Variants in GLIS3 observed in about 807,000 individuals in gnomAD.
GLIS3 encodes GLIS family zinc finger 3.
In GLIS3, 53 loss-of-function variants were observed where a neutral mutation model predicts 78.6. That is an observed-to-expected ratio of 0.67 (90% confidence interval 0.54 to 0.85). The LOEUF is 0.85. Ranked by LOEUF, GLIS3 falls within the 40% of genes least tolerant of loss-of-function variation. GLIS3 has a pLI of 0.00. For missense variants in GLIS3, 1,703 were observed against 1,231.1 expected (o/e 1.38, Z -5.74); for synonymous variants, 684 against 509.9 (o/e 1.34, Z -4.60).
chr9:3,932,061 G>T (rs950581038), intron 6 of GLIS3, among the ~76,000 whole-genome samples: 2 of 152,150 alleles, frequency 1.3e-5, no homozygotes, highest in Non-Finnish European at 2.9e-5. Context: ...TTGCTTTCCA[G>T]TTTGAGGGAC....
At chr9:4,332,886 G>A (rs562090991) in intron 2 of GLIS3, among the ~76,000 whole-genome samples, 14 of 152,136 alleles carry the variant, frequency 9.2e-5, no homozygotes, top group South Asian at 2.1e-4. Context: ...TTCTGGGATG[G>A]GTGGTATTAT....
At chr9:4,292,577 C>G (rs1210216318) in intron 1 of GLIS3, among the ~76,000 whole-genome samples, 1 of 152,138 alleles carries the variant, frequency 6.6e-6, no homozygotes, top group African/African-American at 2.4e-5. Flanking sequence ...ACATTTTTGG[C>G]TTTATAAAAC....
chr9:4,281,250 G>C (rs1563890633), intron 2 of GLIS3, among the ~76,000 whole-genome samples: 1 of 152,164 alleles, frequency 6.6e-6, no homozygotes, highest in Non-Finnish European at 1.5e-5. Flanking sequence ...TTTTCACTTA[G>C]TATTTGCTCT....
chr9:4,368,112 T>C, the GLIS3 span, among the ~76,000 whole-genome samples: 1 of 152,234 alleles, frequency 6.6e-6, no homozygotes, highest in East Asian at 1.9e-4. Context: ...GGCATGACTA[T>C]TCTCAAATAA....
chr9:4,075,410 A>G (rs1312755027), intron 4 of GLIS3, among the ~76,000 whole-genome samples: 1 of 141,458 alleles, frequency 7.1e-6, no homozygotes, highest in Non-Finnish European at 1.5e-5. Flanking sequence ...TACTAAAAAT[A>G]CAAAAAAAAA....
At chr9:4,145,030 C>T (rs1224426378) in intron 2 of GLIS3, 1 of 152,192 alleles carries the variant, frequency 6.6e-6, no homozygotes, top group Non-Finnish European at 1.5e-5. Flanking sequence ...CTTCCCATAG[C>T]GAAGTGAGCC....
intron 2 of GLIS3, among the ~76,000 whole-genome samples, chr9:4,200,658 G>GA (rs911226743): frequency 1.3e-5 from 2 of 151,610 alleles, no homozygotes; most frequent in African/African-American, 2.4e-5. Flanking sequence ...AATTGAATCA[G>GA]AAAAAAACAA....
chr9:4,129,385 C>A (rs1291337265), intron 2 of GLIS3, among the ~76,000 whole-genome samples: 2 of 152,194 alleles, frequency 1.3e-5, no homozygotes, highest in African/African-American at 4.8e-5. Context: ...CCAAAACTCA[C>A]ATTCAACTGT....
the GLIS3 span, among the ~76,000 whole-genome samples, chr9:4,416,152 C>T: frequency 7.0e-6 from 1 of 142,346 alleles, no homozygotes; most frequent in Non-Finnish European, 1.5e-5. Context: ...TTTGGGAGAT[C>T]AAGGCAAGAG....
At chr9:4,178,228 AAGAC>A (rs1395091128) in intron 2 of GLIS3, among the ~76,000 whole-genome samples, 1 of 152,144 alleles carries the variant, frequency 6.6e-6, no homozygotes, top group African/African-American at 2.4e-5. Flanking sequence ...GTTGCTGAGT[AAGAC>A]AGCCCTGCCC....
intron 4 of GLIS3, among the ~76,000 whole-genome samples, chr9:4,077,569 G>A (rs1013424798): frequency 2.0e-5 from 3 of 152,212 alleles, no homozygotes; most frequent in Non-Finnish European, 4.4e-5. Context: ...CCCTGGGTTG[G>A]CCGTTAAGCT....
chr9:4,057,988 T>A (rs563065619), intron 4 of GLIS3, among the ~76,000 whole-genome samples: 1 of 152,212 alleles, frequency 6.6e-6, no homozygotes, highest in African/African-American at 2.4e-5. Context: ...TTCTGGGTTT[T>A]AGAACTCAAA....
chr9:3,873,924 A>T (rs985312626), intron 8 of GLIS3, among the ~76,000 whole-genome samples: 1 of 152,158 alleles, frequency 6.6e-6, no homozygotes, highest in African/African-American at 2.4e-5. Flanking sequence ...CTGCTGATTC[A>T]TACACTAGAT....
At chr9:4,440,226 T>G in the GLIS3 span, among the ~76,000 whole-genome samples, 3 of 152,224 alleles carry the variant, frequency 2.0e-5, no homozygotes, top group African/African-American at 7.2e-5. Flanking sequence ...TTGCTTTTGT[T>G]GCCTGTGATT....
chr9:4,106,509 T>C (rs1013957424), intron 4 of GLIS3, among the ~76,000 whole-genome samples: 1 of 152,154 alleles, frequency 6.6e-6, no homozygotes, highest in African/African-American at 2.4e-5. Flanking sequence ...CTAAAGGACA[T>C]ATTATAAAGA....
intron 2 of GLIS3, among the ~76,000 whole-genome samples, chr9:4,207,485 G>C (rs1015096701): frequency 6.6e-6 from 1 of 152,186 alleles, no homozygotes; most frequent in African/African-American, 2.4e-5. Flanking sequence ...GAGCAATTTA[G>C]AGACAGGTTA....
At chr9:4,228,523 C>G (rs1204164291) in intron 2 of GLIS3, among the ~76,000 whole-genome samples, 10 of 152,194 alleles carry the variant, frequency 6.6e-5, no homozygotes, top group Admixed American at 5.2e-4. Context: ...TATAAAATCT[C>G]ATGTATTAAC....
At chr9:4,276,720 A>C (rs1827068940) in intron 2 of GLIS3, among the ~76,000 whole-genome samples, 1 of 152,216 alleles carries the variant, frequency 6.6e-6, no homozygotes, top group Admixed American at 6.5e-5. Context: ...TAATTGGAAC[A>C]AATCACGCCT....
chr9:4,447,601 C>T, the GLIS3 span, among the ~76,000 whole-genome samples: 6,057 of 152,240 alleles, frequency 0.04, 285 homozygotes, highest in East Asian at 0.22. Context: ...TTCATTCTTG[C>T]TTAGAAGTGA....
Sources: allele counts gnomAD v4.1 joint callset (sites outside exome capture counted in the v4.1 genomes callset), GRCh38; gene constraint gnomAD v4.1.1; transcripts MANE v1.5; gene names NCBI Gene and HGNC (gene_info 2026-07-23, HGNC 2026-07-21).